PTPN2: variants seen among roughly 807,000 people sequenced by gnomAD.
PTPN2 encodes the protein tyrosine-protein phosphatase non-receptor type 2.
A neutral mutation model predicts 57.3 loss-of-function variants in PTPN2; 19 were observed. That is an observed-to-expected ratio of 0.33 (90% CI 0.23 to 0.49). PTPN2 has a LOEUF of 0.49. Ranked by LOEUF, PTPN2 falls within the 20% of genes least tolerant of loss-of-function variation. The pLI is 0.99. For synonymous variants in PTPN2, 153 were observed against 164.9 expected, an observed-to-expected ratio of 0.93 and a Z score of 0.55; for missense variants, 358 against 501.1, an observed-to-expected ratio of 0.71 and a Z score of 2.73.
intron 2 of PTPN2, among the ~76,000 whole-genome samples, chr18:12,843,113 TCTC>T (rs1308895584): frequency 6.6e-6 from 1 of 152,078 alleles, no homozygotes; most frequent in Admixed American, 6.5e-5. Context: ...GATTCTGATC[TCTC>T]TTTTGGCTCT....
intron 4 of PTPN2, among the ~76,000 whole-genome samples, chr18:12,829,962 C>CTAGATGTTCATGTTCA (rs1339296700): frequency 2.6e-5 from 4 of 152,256 alleles, no homozygotes; most frequent in Non-Finnish European, 4.4e-5. Flanking sequence ...TAGGTTCAAC[C>CTAGATGTTCATGTTCA]ACCATAAACA....
Position 12,794,090 on chromosome 18 carries a change from G to T in PTPN2, c.*188C>A. ...TTTAGACAGCCATTTACAGTTTGGG[G>T]TTCAGAGGAACCTGCAGTCAAGAGT... On this transcript the variant is annotated 3_prime_UTR_variant, in exon 9 of 9. Transcript: ENST00000309660. The T allele has an allele frequency of 7.0e-7, 1 of 1,431,494 alleles. No individual in the cohort carries two copies. The highest frequency in any genetic ancestry group is 1.4e-5 in the African/African-American group (1 of 69,718). The allele number at this position is 1,431,494 out of a possible 1,614,324, so 88.7% of individuals were successfully genotyped here.
chr18:12,802,180 A>G, intron 7 of PTPN2, 29 bp from the exon 8 acceptor site: 1 of 1,494,964 alleles, frequency 6.7e-7, no homozygotes, highest in Non-Finnish European at 9.0e-7. Flanking sequence ...TGAAAAACAA[A>G]TGCAAACATT....
chr18:12,814,901 T>C (rs1375726551), intron 6 of PTPN2, among the ~76,000 whole-genome samples: 1 of 151,480 alleles, frequency 6.6e-6, no homozygotes, highest in East Asian at 1.9e-4. Context: ...CTGGCCAACA[T>C]CGCGAAATGC....
chr18:12,793,575 C>G lies in PTPN2; in HGVS notation c.*703G>C, dbSNP rs1028410483. The G allele has an allele frequency of 3.1e-6, 3 of 978,256 alleles. No individual in the cohort carries two copies. In the African/African-American group the frequency reaches 5.3e-5, roughly 17 times the overall value. 60.6% of individuals were successfully genotyped at this position (978,256 alleles called of 1,614,324 possible). A position where few individuals can be genotyped will look rare whatever the true frequency, so the allele number is the denominator to read the frequency against. On this transcript the variant is annotated 3_prime_UTR_variant, in exon 9 of 9. Coordinates refer to ENST00000309660, the MANE Select transcript of PTPN2 (RefSeq NM_002828.4). ...GCTTTTCTTTTTAAAATGGGGAAAA[C>G]TGTAAAACATAAAAGAAATGCAATA... is the stretch of plus-strand genomic sequence containing the variant.
intron 2 of PTPN2, chr18:12,839,540 T>C (rs2042976253): frequency 6.6e-6 from 1 of 152,166 alleles, no homozygotes; most frequent in African/African-American, 2.4e-5. Context: ...TTTCCTCTTT[T>C]AAAGGATCCA....
intron 2 of PTPN2, among the ~76,000 whole-genome samples, chr18:12,847,913 A>T (rs549512195): frequency 5.2e-4 from 50 of 95,840 alleles, no homozygotes; most frequent in Middle Eastern, 4.9e-3. Context: ...CTGAATATTT[A>T]AAAAAAAAAA....
chr18:12,797,891 G>A (rs773142454), intron 8 of PTPN2, among the ~76,000 whole-genome samples: 11 of 151,942 alleles, frequency 7.2e-5, no homozygotes, highest in South Asian at 2.1e-4. Flanking sequence ...CACATTTGGC[G>A]GATTTTTGTA....
At chr18:12,831,151 C>A in intron 3 of PTPN2, 110 bp from the exon 4 acceptor site, 1 of 646,500 alleles carries the variant, frequency 1.5e-6, no homozygotes, top group Non-Finnish European at 2.8e-6. Context: ...AGACAGCGGA[C>A]GGGCTTATAA....
intron 2 of PTPN2, among the ~76,000 whole-genome samples, chr18:12,853,855 T>A (rs2043479636): frequency 6.6e-6 from 1 of 152,102 alleles, no homozygotes; most frequent in Admixed American, 6.5e-5. Flanking sequence ...GAAGTTTAAC[T>A]TTTTCATAAA....
At chr18:12,879,265 A>C (rs1187756700) in intron 1 of PTPN2, among the ~76,000 whole-genome samples, 1 of 151,966 alleles carries the variant, frequency 6.6e-6, no homozygotes, top group Non-Finnish European at 1.5e-5. Context: ...CAGCCTCCCA[A>C]AGCGCTGGGA....
chr18:12,876,292 AC>A (rs2044485472), intron 1 of PTPN2, among the ~76,000 whole-genome samples: 2 of 144,724 alleles, frequency 1.4e-5, no homozygotes, highest in Non-Finnish European at 3.0e-5. Flanking sequence ...AAGAACAACA[AC>A]AAAAAGAAGA....
At chr18:12,866,869 G>A (rs1408721942) in intron 1 of PTPN2, among the ~76,000 whole-genome samples, 5 of 151,990 alleles carry the variant, frequency 3.3e-5, no homozygotes, top group Non-Finnish European at 7.4e-5. Context: ...GCTGGCCATG[G>A]TGGTGGGCAC....
intron 1 of PTPN2, among the ~76,000 whole-genome samples, chr18:12,880,000 G>A (rs2044615623): frequency 1.3e-5 from 2 of 152,156 alleles, no homozygotes; most frequent in Admixed American, 6.5e-5. Flanking sequence ...TTGTGTTCCC[G>A]AAATCATTTG....
chr18:12,820,500 G>A (rs2042234900), intron 5 of PTPN2, among the ~76,000 whole-genome samples: 1 of 152,138 alleles, frequency 6.6e-6, no homozygotes, highest in South Asian at 2.1e-4. Context: ...GAAAAAAAGG[G>A]TTGCCAAAGG....
chr18:12,835,382 C>CTTTTTTTTTT (rs60239177), intron 3 of PTPN2, among the ~76,000 whole-genome samples: 2,279 of 98,730 alleles, frequency 0.023, 87 homozygotes, highest in Non-Finnish European at 0.029. Flanking sequence ...TCACATATGT[C>CTTTTTTTTTT]TTTTTTTTTT....
intron 1 of PTPN2, among the ~76,000 whole-genome samples, chr18:12,868,249 T>C (rs993938729): frequency 6.6e-6 from 1 of 151,730 alleles, no homozygotes; most frequent in Non-Finnish European, 1.5e-5. Context: ...TTTTTTGTTT[T>C]TTGTTTTTTT....
intron 7 of PTPN2, among the ~76,000 whole-genome samples, chr18:12,807,586 A>AAAAAAT: frequency 8.8e-4 from 31 of 35,204 alleles, no homozygotes; most frequent in Admixed American, 4.0e-3. Context: ...AAAAAAAAAA[A>AAAAAAT]ATATATATAT....
chr18:12,857,060 C>CAA (rs57221505), intron 2 of PTPN2, among the ~76,000 whole-genome samples: 55,688 of 100,706 alleles, frequency 0.55, 16,412 homozygotes, highest in South Asian at 0.72. Flanking sequence ...GACACCATCT[C>CAA]AAAAAAAAAA....
Sources: allele counts gnomAD v4.1 joint callset (sites outside exome capture counted in the v4.1 genomes callset), GRCh38; gene constraint gnomAD v4.1.1; transcripts MANE v1.5; gene names NCBI Gene and HGNC (gene_info 2026-07-23, HGNC 2026-07-21).